Variants in CRTAC1 observed in about 807,000 individuals in gnomAD.
CRTAC1 encodes the protein cartilage acidic protein 1, also known as acidic secreted protein in cartilage.
CRTAC1 carries 37 observed loss-of-function variants against 67.8 expected under a neutral mutation model. That is an observed-to-expected ratio of 0.55 (90% CI 0.42 to 0.72). The LOEUF (loss-of-function observed/expected upper bound fraction) is 0.72. Ranked by LOEUF, CRTAC1 falls within the 30% of genes least tolerant of loss-of-function variation. CRTAC1 has a pLI of 0.00. For synonymous variants in CRTAC1, 348 were observed against 371.0 expected, an observed-to-expected ratio of 0.94 and a Z score of 0.71; for missense variants, 780 against 931.6, an observed-to-expected ratio of 0.84 and a Z score of 2.12.
At chr10:97,937,527 C>T (rs2051108983) in intron 2 of CRTAC1, among the ~76,000 whole-genome samples, 1 of 152,206 alleles carries the variant, frequency 6.6e-6, no homozygotes, top group African/African-American at 2.4e-5. Context: ...AACTTCTTGT[C>T]TGTTTTGTTC....
chr10:97,935,552 G>A (rs980066321), intron 3 of CRTAC1, among the ~76,000 whole-genome samples: 10 of 152,082 alleles, frequency 6.6e-5, no homozygotes, highest in Non-Finnish European at 1.5e-4. Context: ...TAGGGGATTC[G>A]GATGCACACT....
At chr10:97,996,420 A>G (rs10450399) in intron 2 of CRTAC1, among the ~76,000 whole-genome samples, 22,478 of 151,246 alleles carry the variant, frequency 0.15, 1,840 homozygotes, top group African/African-American at 0.24. Flanking sequence ...AAAAGTGGGC[A>G]AAGGACGTGA....
At chr10:98,011,064 T>G in intron 2 of CRTAC1, 74 bp downstream of exon 2, 1 of 1,269,946 alleles carries the variant, frequency 7.9e-7, no homozygotes, top group Non-Finnish European at 1.1e-6. Flanking sequence ...TCACTGGGGT[T>G]TGGAGTTGTT....
At chr10:97,896,141 A>G (rs1345058446) in intron 9 of CRTAC1, among the ~76,000 whole-genome samples, 156 bp from the exon 10 acceptor site, 2 of 152,138 alleles carry the variant, frequency 1.3e-5, no homozygotes, top group Non-Finnish European at 2.9e-5. Flanking sequence ...CCCATCTCCT[A>G]TCCTTCCTAA....
At chr10:97,963,569 C>T (rs953134232) in intron 2 of CRTAC1, among the ~76,000 whole-genome samples, 14 of 152,126 alleles carry the variant, frequency 9.2e-5, no homozygotes, top group African/African-American at 3.4e-4. Context: ...TGTAGGTGTA[C>T]AATAAATGTT....
intron 7 of CRTAC1, 97 bp from the exon 8 acceptor site, chr10:97,901,736 G>A: frequency 1.4e-6 from 2 of 1,478,842 alleles, no homozygotes. Context: ...AAAAATAAGA[G>A]ACAGTCCAAC....
At chr10:97,982,589 T>A (rs1284292575) in intron 2 of CRTAC1, among the ~76,000 whole-genome samples, 1 of 152,186 alleles carries the variant, frequency 6.6e-6, no homozygotes, top group African/African-American at 2.4e-5. Context: ...GCGCAACACG[T>A]AGACAATCAT....
intron 2 of CRTAC1, among the ~76,000 whole-genome samples, chr10:97,939,257 A>G (rs2051135170): frequency 1.3e-5 from 2 of 152,178 alleles, no homozygotes; most frequent in South Asian, 4.1e-4. Flanking sequence ...TCCCTGCACC[A>G]TGGTAGTAAC....
intron 9 of CRTAC1, 88 bp from the exon 10 acceptor site, chr10:97,896,073 C>T (rs2136557902): frequency 1.7e-6 from 2 of 1,200,810 alleles, no homozygotes; most frequent in Non-Finnish European, 2.4e-6. Context: ...TATCCACAGC[C>T]CTGGGCGTGG....
Position 97,936,216 on chromosome 10 carries a change from G to A in CRTAC1, c.375C>T (p.Asp125=), listed in dbSNP as rs765570568. Residue 125 remains aspartate (D), a synonymous_variant, in exon 3 of 15, where the codon GAC becomes GAT. Coordinates refer to ENST00000370597, the MANE Select transcript of CRTAC1 (RefSeq NM_018058.7). ...TGAGGAAGTAGATCTCCTCCCGGCC[G>A]TCCCCGTCGATGTCGCAGGCTGTGA... ...IGVTACDIDG[D]GREEIYFLNT... is the part of the protein sequence containing the mutation. 13 of 1,613,750 alleles carry A rather than the reference G, an allele frequency of 8.1e-6. No homozygotes were observed. The highest frequency in any genetic ancestry group is 1.7e-4 in the Middle Eastern group (1 of 6,046).
At chr10:97,921,697 C>T (rs2050840598) in intron 4 of CRTAC1, among the ~76,000 whole-genome samples, 1 of 152,202 alleles carries the variant, frequency 6.6e-6, no homozygotes, top group Non-Finnish European at 1.5e-5. Context: ...CCCTTGGCCT[C>T]TCTCCATTCC....
At position 97,927,464 on chromosome 10, in the gene CRTAC1, T is replaced by A. The variant is rs114529293; in HGVS notation, c.422-4064A>T. 4.4e-3 allele frequency among the ~76,000 whole-genome samples: 677 copies of A among 152,300 alleles called. 8 individuals are homozygous for A. Among genetic ancestry groups the A allele is most frequent in the African/African-American group, 0.015 (628 of 41,556 alleles). On this transcript the variant is annotated intron_variant, in intron 3 of 14. Coordinates refer to ENST00000370597, the MANE Select transcript of CRTAC1 (RefSeq NM_018058.7). Reference sequence around the variant, plus strand: ...ATGGAACTCCTTTTTGTAGACCACCTCTTAGCACCCTGCGTAACTGGTGCT... The same window carrying A: ...ATGGAACTCCTTTTTGTAGACCACCACTTAGCACCCTGCGTAACTGGTGCT...
At chr10:97,953,813 T>C (rs2051398104) in intron 2 of CRTAC1, among the ~76,000 whole-genome samples, 1 of 152,216 alleles carries the variant, frequency 6.6e-6, no homozygotes, top group Non-Finnish European at 1.5e-5. Context: ...GTTATTTTCC[T>C]CCTATTCATG....
intron 2 of CRTAC1, among the ~76,000 whole-genome samples, chr10:97,941,213 C>T (rs1369360327): frequency 6.6e-5 from 10 of 152,094 alleles, no homozygotes; most frequent in South Asian, 6.2e-4. Flanking sequence ...TTTTCCCCAC[C>T]GCTGTCCTCT....
At position 97,884,349 on chromosome 10, in the gene CRTAC1, T is replaced by C. The variant is rs1311009385; in HGVS notation, c.1489A>G (p.Lys497Glu). ...ACCTCCACACTGCTGGCTTCATCCT[T>C]CCCTGAGGGGCAGAAGGAGAGAGCA... ...MEPVAHFGLG[K>E]DEASSVEVTW... The change falls in exon 12 of 15, where the codon AAG (lysine) becomes GAG (glutamate). Residue 497 changes from lysine to glutamate, a missense_variant and splice_region_variant. Physicochemically the swap from Lys to Glu is moderately conservative, Grantham distance 56. Coordinates refer to ENST00000370597, the MANE Select transcript of CRTAC1 (RefSeq NM_018058.7). The C allele has an allele frequency of 1.2e-5, 19 of 1,551,098 alleles. No homozygotes were observed. The highest frequency in any genetic ancestry group is 1.7e-5 in the Non-Finnish European group (19 of 1,147,100).
At chr10:98,026,814 G>A (rs1232812338) in intron 1 of CRTAC1, among the ~76,000 whole-genome samples, 1 of 152,160 alleles carries the variant, frequency 6.6e-6, no homozygotes, top group Non-Finnish European at 1.5e-5. Context: ...GTAGGCTTCC[G>A]AGTCTGCTGA....
At chr10:97,875,121 A>G (rs145927998) in intron 14 of CRTAC1, among the ~76,000 whole-genome samples, 1 of 152,364 alleles carries the variant, frequency 6.6e-6, no homozygotes, top group East Asian at 1.9e-4. Context: ...GAGATCGCAC[A>G]GCATAAGGCT....
At chr10:98,026,994 C>T (rs1225461715) in intron 1 of CRTAC1, among the ~76,000 whole-genome samples, 2 of 152,038 alleles carry the variant, frequency 1.3e-5, no homozygotes, top group African/African-American at 2.4e-5. Flanking sequence ...AGTGAAACCC[C>T]GTCTCTACTA....
At chr10:97,899,861 T>C (rs1264929044) in intron 8 of CRTAC1, among the ~76,000 whole-genome samples, 3 of 152,110 alleles carry the variant, frequency 2.0e-5, no homozygotes, top group South Asian at 4.2e-4. Flanking sequence ...CTGAGCCCCA[T>C]TGGAATGTTT....
Sources: gnomAD v4.1 joint callset for allele counts (sites outside exome capture counted in the v4.1 genomes callset) on GRCh38, gnomAD v4.1.1 for gene constraint, MANE v1.5 for transcripts, NCBI Gene and HGNC (gene_info 2026-07-23, HGNC 2026-07-21) for gene names.